The following MESP1 variants were observed in gnomAD, a reference collection of about 807,000 sequenced individuals.
MESP1 encodes mesoderm posterior protein 1.
A neutral mutation model predicts 15.2 loss-of-function variants in MESP1; 22 were observed. That is an observed-to-expected ratio of 1.45 (90% CI 1.04 to 2.07). The LOEUF (loss-of-function observed/expected upper bound fraction) is 2.07. Ranked by LOEUF, MESP1 falls within the 30% of genes most tolerant of loss-of-function variation. The probability of loss-of-function intolerance (pLI) is 0.00; values close to 1 mark genes in which losing one functional copy is unlikely to be tolerated. For missense variants in MESP1, 484 were observed against 411.9 expected (o/e 1.17, Z -1.51); for synonymous variants, 216 against 192.6 (o/e 1.12, Z -1.01).
chr15:89,747,540 G>A (rs1967994677), downstream of MESP1, among the ~76,000 whole-genome samples: 2 of 152,218 alleles, frequency 1.3e-5, no homozygotes, highest in African/African-American at 2.4e-5. Flanking sequence ...CTCCCTCCAC[G>A]GCACGTGGGG....
At chr15:89,747,075 G>A (rs1472002471), downstream of MESP1, among the ~76,000 whole-genome samples, 47 of 70,952 alleles carry the variant, frequency 6.6e-4, no homozygotes, top group Non-Finnish European at 9.5e-4. Flanking sequence ...CAGCCCCGCC[G>A]CCACACACAC....
the MESP1 span, chr15:89,732,854 G>C: frequency 2.8e-6 from 2 of 721,120 alleles, no homozygotes; most frequent in South Asian, 1.7e-5. Context: ...TTGGGCACTA[G>C]GTTTACTGAT....
downstream of MESP1, among the ~76,000 whole-genome samples, chr15:89,747,910 C>T (rs574003711): frequency 1.3e-5 from 2 of 152,290 alleles, no homozygotes; most frequent in East Asian, 1.9e-4. Flanking sequence ...GGGTTTCCTC[C>T]GGGTGTGGGA....
Position 89,750,206 on chromosome 15 carries a change from C to G in MESP1, c.745G>C (p.Ala249Pro), listed in dbSNP as rs1441330667. Residue 249 changes from alanine to proline, a missense_variant, in exon 2 of 2, where the codon GCT (alanine) becomes CCT (proline). By Grantham distance (27) the Ala-to-Pro change is conservative. Transcript: ENST00000300057. Reference sequence around the variant, plus strand: ...AGGGGCATCCAGGTCTCCAACAGAGCCAGCACGTCGCCCGGAAGGAGCTGT... The same window carrying G: ...AGGGGCATCCAGGTCTCCAACAGAGGCAGCACGTCGCCCGGAAGGAGCTGT... The part of the protein sequence containing the change: ...PSPLLPGDVL[A>P]LLETWMPLSP... 1.2e-5 allele frequency: 19 copies of G among 1,613,978 alleles called. No individual in the cohort carries two copies. The highest frequency in any genetic ancestry group is 1.6e-5 in the Non-Finnish European group (19 of 1,180,026).
chr15:89,734,026 T>C, the MESP1 span, among the ~76,000 whole-genome samples: 1 of 151,914 alleles, frequency 6.6e-6, no homozygotes, highest in Admixed American at 6.6e-5. Context: ...CGCGCGCATG[T>C]GTGTACGTGT....
At chr15:89,735,842 T>C in the MESP1 span, among the ~76,000 whole-genome samples, 41 of 152,304 alleles carry the variant, frequency 2.7e-4, no homozygotes, top group African/African-American at 9.1e-4. Context: ...TAACTCAACC[T>C]GCAGAAGTTG....
Position 89,751,172 on chromosome 15 carries a change from GC to G in MESP1, c.59del (p.Gly20AlafsTer50), listed in dbSNP as rs1310388630. The G allele has an allele frequency of 7.9e-7, 1 of 1,270,474 alleles. No individual in the cohort carries two copies. Among genetic ancestry groups the G allele is most frequent in the Non-Finnish European group, 9.9e-7 (1 of 1,010,548 alleles). The allele number at this position is 1,270,474 out of a possible 1,614,324, so 78.7% of individuals were successfully genotyped here. A position where few individuals can be genotyped will look rare whatever the true frequency, so the allele number is the denominator to read the frequency against. On this transcript the variant is annotated frameshift_variant, in exon 1 of 2. Coordinates refer to ENST00000300057, the MANE Select transcript of MESP1 (RefSeq NM_018670.4). LOFTEE classifies it high-confidence loss of function. ...CGGAGGGCGGCGGCCGCCGAGTTGG[GC>G]CCCAGGCCGCAGAGAGCATCCAGGA... Reference protein sequence around the residue: ...SESWMLSAAWGPTRRPPPSDK... With the variant: ...SESWMLSAAWXPTRRPPPSDK...
Position 89,750,979 on chromosome 15 carries a change from G to A in MESP1, c.253C>T (p.Gln85Ter), listed in dbSNP as rs1303276920. The change falls in exon 1 of 2, where the codon CAG (glutamine) becomes TAG (stop). Residue 85 changes from glutamine (Q) to a stop codon, truncating the protein, a stop_gained. Transcript: ENST00000300057. LOFTEE classifies it high-confidence loss of function. ...RSSRLGSGQR[Q>*]SASEREKLRM... is the part of the protein sequence containing the mutation. ...AGTTTCTCCCGCTCACTGGCGCTCT[G>A]CCTCTGCCCGCTGCCCAGGCGGCTG... 7.1e-7 allele frequency: 1 copy of A among 1,414,460 alleles called. No homozygotes were observed. Among genetic ancestry groups the A allele is most frequent in the Non-Finnish European group, 9.2e-7 (1 of 1,089,138 alleles). The allele number at this position is 1,414,460 out of a possible 1,614,324, so 87.6% of individuals were successfully genotyped here. A position where few individuals can be genotyped will look rare whatever the true frequency, so the allele number is the denominator to read the frequency against.
At chr15:89,744,977 G>A (rs532557714), downstream of MESP1, among the ~76,000 whole-genome samples, 3 of 152,312 alleles carry the variant, frequency 2.0e-5, no homozygotes, top group Non-Finnish European at 2.9e-5. Flanking sequence ...GATGGTCAGG[G>A]CTGCGGCAGG....
chr15:89,743,375 A>C, the MESP1 span: 2 of 1,614,208 alleles, frequency 1.2e-6, no homozygotes, highest in Non-Finnish European at 1.7e-6. Flanking sequence ...CTCCAGAGAG[A>C]GAACTTCAAG....
the MESP1 span, among the ~76,000 whole-genome samples, chr15:89,742,829 G>A: frequency 6.6e-6 from 1 of 152,132 alleles, no homozygotes; most frequent in African/African-American, 2.4e-5. Flanking sequence ...CACCGCGCCT[G>A]GCCAACAACT....
rs779056059 is a variant in MESP1, at chr15:89,751,164, C to A, written c.68G>T (p.Arg23Leu). The A allele has an allele frequency of 1.6e-6, 2 of 1,268,766 alleles. No homozygotes were observed. The highest frequency in any genetic ancestry group is 2.0e-6 in the Non-Finnish European group (2 of 1,009,910). 78.6% of individuals were successfully genotyped at this position (1,268,766 alleles called of 1,614,324 possible). A position where few individuals can be genotyped will look rare whatever the true frequency, so the allele number is the denominator to read the frequency against. Residue 23 changes from arginine (R) to leucine (L), a missense_variant, in exon 1 of 2, where the codon CGG becomes CTG. Coordinates refer to ENST00000300057, the MANE Select transcript of MESP1 (RefSeq NM_018670.4). ...WMLSAAWGPTRRPPPSDKDCG... is the reference protein window; with the variant it reads ...WMLSAAWGPTLRPPPSDKDCG... ...GTCCTTGTCGGAGGGCGGCGGCCGC[C>A]GAGTTGGGCCCCAGGCCGCAGAGAG...
chr15:89,747,623 T>G (rs548962195), downstream of MESP1, among the ~76,000 whole-genome samples: 2,483 of 152,212 alleles, frequency 0.016, 82 homozygotes, highest in African/African-American at 0.057. Flanking sequence ...CCCAGTACCC[T>G]CTGTTCTTGA....
In MESP1 at chr15:89,751,211, C is replaced by T. The variant is rs773905318; in HGVS notation, c.21G>A (p.Pro7=). 5.6e-6 allele frequency: 7 copies of T among 1,250,386 alleles called. No homozygotes were observed. The highest frequency in any genetic ancestry group is 1.5e-5 in the African/African-American group (1 of 65,060). The allele number at this position is 1,250,386 out of a possible 1,614,324, so 77.5% of individuals were successfully genotyped here. A position where few individuals can be genotyped will look rare whatever the true frequency, so the allele number is the denominator to read the frequency against. The change falls in exon 1 of 2, where the codon CCG becomes CCA. Residue 7 remains proline (P), a synonymous_variant. Transcript: ENST00000300057. ...AGAGCATCCAGGACTCGGAGAGCGG[C>T]GGGCACAGGGGCTGGGCCATGGCAG... is the stretch of plus-strand genomic sequence containing the variant. MAQPLC[P]PLSESWMLSA...
At chr15:89,750,487 G>A (rs1401404280) in intron 1 of MESP1, 22 bp downstream of exon 1, 2 of 1,488,008 alleles carry the variant, frequency 1.3e-6, no homozygotes, top group African/African-American at 1.4e-5. Context: ...GACGAAGGGG[G>A]CGCGGGGAAG....
chr15:89,733,698 G>A, the MESP1 span, among the ~76,000 whole-genome samples: 4 of 152,002 alleles, frequency 2.6e-5, no homozygotes, highest in Admixed American at 6.6e-5. Flanking sequence ...ATGCCGTCTC[G>A]GGACTCTCTA....
chr15:89,737,590 G>T, the MESP1 span: 1 of 1,614,192 alleles, frequency 6.2e-7, no homozygotes, highest in East Asian at 2.2e-5. Context: ...TCTTTTCCAA[G>T]AATGGCTCTG....
At position 89,750,654 on chromosome 15, in the gene MESP1, G is replaced by T. The variant is rs1466792361; in HGVS notation, c.578C>A (p.Ser193Tyr). The T allele has an allele frequency of 1.5e-6, 2 of 1,371,416 alleles. No individual in the cohort carries two copies. Among genetic ancestry groups the T allele is most frequent in the Non-Finnish European group, 1.9e-6 (2 of 1,071,684 alleles). The allele number at this position is 1,371,416 out of a possible 1,614,324, so 85.0% of individuals were successfully genotyped here. Reference sequence around the variant, plus strand: ...CCAGGACGCCCCGGCGCGGACGGCGGATACCAGGCCCAGCCCGCGCCCCTG... The same window carrying T: ...CCAGGACGCCCCGGCGCGGACGGCGTATACCAGGCCCAGCCCGCGCCCCTG... ...QGQGRGLGLVSAVRAGASWGS... is the reference protein window; with the variant it reads ...QGQGRGLGLVYAVRAGASWGS... The change falls in exon 1 of 2, where the codon TCC (serine) becomes TAC (tyrosine). Residue 193 changes from serine to tyrosine, a missense_variant. Transcript: ENST00000300057.
In MESP1 at chr15:89,750,940, G is replaced by T. The variant is rs760467020; in HGVS notation, c.292C>A (p.Leu98Met). 2.1e-6 allele frequency: 3 copies of T among 1,451,314 alleles called. No individual in the cohort carries two copies. The highest frequency in any genetic ancestry group is 2.7e-6 in the Non-Finnish European group (3 of 1,105,622). The allele number at this position is 1,451,314 out of a possible 1,614,324, so 89.9% of individuals were successfully genotyped here. Residue 98 changes from leucine to methionine, a missense_variant, in exon 1 of 2, where the codon CTG becomes ATG. Leu to Met is a conservative substitution (Grantham distance 15). Coordinates refer to ENST00000300057, the MANE Select transcript of MESP1 (RefSeq NM_018670.4). ...SEREKLRMRT[L>M]ARALHELRRF... Reference sequence around the variant, plus strand: ...CGCAGCTCGTGCAGGGCGCGGGCCAGCGTGCGCATGCGCAGTTTCTCCCGC... The same window carrying T: ...CGCAGCTCGTGCAGGGCGCGGGCCATCGTGCGCATGCGCAGTTTCTCCCGC...
Sources: allele counts gnomAD v4.1 joint callset (sites outside exome capture counted in the v4.1 genomes callset), GRCh38; gene constraint gnomAD v4.1.1; transcripts MANE v1.5; gene names NCBI Gene and HGNC (gene_info 2026-07-23, HGNC 2026-07-21).